The following GALNT14 variants were observed in gnomAD, a reference collection of about 807,000 sequenced individuals.
GALNT14 encodes polypeptide N-acetylgalactosaminyltransferase 14, also known as UDP-GalNAc:polypeptide N-acetylgalactosaminyltransferase 14.
In GALNT14, 60 loss-of-function variants were observed where a neutral mutation model predicts 77.5. The observed-to-expected ratio is 0.77, with a 90% confidence interval of 0.63 to 0.96. The LOEUF is 0.96. Among genes scored for constraint, GALNT14 ranks in the 40% least tolerant of loss-of-function variants. The pLI is 0.00. For synonymous variants in GALNT14, 280 were observed against 281.7 expected (o/e 0.99, Z 0.06); for missense variants, 710 against 731.0 (o/e 0.97, Z 0.33).
chr2:31,088,060 T>C (rs554206925), intron 1 of GALNT14, among the ~76,000 whole-genome samples: 4 of 152,298 alleles, frequency 2.6e-5, no homozygotes, highest in African/African-American at 9.6e-5. Context: ...CCTCTAGAAC[T>C]GTGAGAAATA....
At chr2:30,929,035 C>T (rs1665558918) in intron 11 of GALNT14, among the ~76,000 whole-genome samples, 1 of 152,238 alleles carries the variant, frequency 6.6e-6, no homozygotes, top group South Asian at 2.1e-4. Context: ...AGAGCTTAGG[C>T]TTGGATGACC....
At chr2:30,924,591 G>A (rs1231445333) in intron 12 of GALNT14, 149 bp downstream of exon 12, 3 of 643,572 alleles carry the variant, frequency 4.7e-6, no homozygotes, top group South Asian at 1.9e-5. Flanking sequence ...CCGGGTTTTA[G>A]GGGTGAACGG....
intron 1 of GALNT14, among the ~76,000 whole-genome samples, chr2:31,136,689 A>C (rs61603879): frequency 0.027 from 4,080 of 152,300 alleles, 185 homozygotes; most frequent in African/African-American, 0.093. Context: ...AAAAAGGGGA[A>C]ACCGAGAGGC....
intron 8 of GALNT14, among the ~76,000 whole-genome samples, chr2:30,943,036 G>A (rs527573351): frequency 4.6e-5 from 7 of 152,284 alleles, no homozygotes; most frequent in African/African-American, 1.4e-4. Context: ...GGAAGACATG[G>A]CCATCTACCG....
At chr2:31,005,185 T>C (rs1251708721) in intron 1 of GALNT14, among the ~76,000 whole-genome samples, 1 of 152,196 alleles carries the variant, frequency 6.6e-6, no homozygotes, top group Non-Finnish European at 1.5e-5. Context: ...GCATTTGTGA[T>C]TTTTCTCCTT....
chr2:30,999,252 T>C (rs553333876), intron 1 of GALNT14, among the ~76,000 whole-genome samples: 2 of 152,104 alleles, frequency 1.3e-5, no homozygotes, highest in Admixed American at 1.3e-4. Flanking sequence ...AGGTCCCAAA[T>C]AGCCCACTCC....
At chr2:31,092,493 C>T (rs539726053) in intron 1 of GALNT14, among the ~76,000 whole-genome samples, 5 of 152,034 alleles carry the variant, frequency 3.3e-5, no homozygotes, top group Non-Finnish European at 7.4e-5. Context: ...ATAGACAAAA[C>T]AGATCATATT....
At chr2:31,080,669 T>C (rs555571859) in intron 1 of GALNT14, among the ~76,000 whole-genome samples, 9 of 152,338 alleles carry the variant, frequency 5.9e-5, no homozygotes, top group Admixed American at 5.9e-4. Context: ...TGGTTTCTCA[T>C]CCCAGGCTTT....
At chr2:30,929,927 G>T (rs1448863623) in intron 10 of GALNT14, among the ~76,000 whole-genome samples, 1 of 152,192 alleles carries the variant, frequency 6.6e-6, no homozygotes, top group Non-Finnish European at 1.5e-5. Flanking sequence ...TAAACTGTGG[G>T]TTGTCTACCT....
At chr2:31,087,828 A>G (rs1676524990) in intron 1 of GALNT14, among the ~76,000 whole-genome samples, 1 of 152,134 alleles carries the variant, frequency 6.6e-6, no homozygotes, top group Non-Finnish European at 1.5e-5. Flanking sequence ...CTAAACCCCA[A>G]TGTGATGGCA....
chr2:31,111,379 A>G (rs1005897622), intron 1 of GALNT14, among the ~76,000 whole-genome samples: 3 of 152,244 alleles, frequency 2.0e-5, no homozygotes, highest in African/African-American at 7.2e-5. Context: ...AGCACTGGAC[A>G]CACAGCAGAT....
At chr2:30,999,967 G>T (rs969174045) in intron 1 of GALNT14, among the ~76,000 whole-genome samples, 3 of 152,168 alleles carry the variant, frequency 2.0e-5, no homozygotes, top group Non-Finnish European at 4.4e-5. Context: ...TATTCTCACC[G>T]GTTGGAGCCA....
intron 1 of GALNT14, among the ~76,000 whole-genome samples, chr2:31,103,386 G>A (rs1397896418): frequency 6.6e-6 from 1 of 152,052 alleles, no homozygotes; most frequent in African/African-American, 2.4e-5. Flanking sequence ...GCATAGAAAA[G>A]GCATGATTGG....
chr2:31,086,368 C>T (rs949725119), intron 1 of GALNT14, among the ~76,000 whole-genome samples: 2 of 152,214 alleles, frequency 1.3e-5, no homozygotes, highest in Admixed American at 6.5e-5. Context: ...AGCCATGCTC[C>T]TCATCACCAG....
rs72855246 is a variant in GALNT14, at chr2:30,985,560, C to T, written c.299+7278G>A. ...GGCAAGATGGTACTGCAAACTGCCC[C>T]GGGCTGTGGACACAGTTCTGCTACA... On this transcript the variant is annotated intron_variant, in intron 2 of 14. Transcript: ENST00000349752. Among the ~76,000 whole-genome samples, 436 of 152,288 alleles carry T rather than the reference C, an allele frequency of 2.9e-3. 1 individual carries two copies. The highest frequency in any genetic ancestry group is 9.9e-3 in the African/African-American group (411 of 41,566).
At chr2:30,892,353 A>C in the GALNT14 span, among the ~76,000 whole-genome samples, 1 of 152,226 alleles carries the variant, frequency 6.6e-6, no homozygotes, top group Admixed American at 6.5e-5. Flanking sequence ...GAAATTTGGA[A>C]AGATCAGAAA....
At chr2:31,007,420 A>G (rs1220279428) in intron 1 of GALNT14, among the ~76,000 whole-genome samples, 1 of 152,214 alleles carries the variant, frequency 6.6e-6, no homozygotes, top group African/African-American at 2.4e-5. Context: ...AAGCATAAGT[A>G]ATTGCTCCCC....
At chr2:31,124,433 C>T (rs943088917) in intron 1 of GALNT14, among the ~76,000 whole-genome samples, 48 of 152,176 alleles carry the variant, frequency 3.2e-4, no homozygotes, top group African/African-American at 1.1e-3. Context: ...ATTTACCAGG[C>T]GTTGTTCTGT....
At chr2:30,927,115 A>G (rs1055922629) in intron 11 of GALNT14, among the ~76,000 whole-genome samples, 3 of 152,156 alleles carry the variant, frequency 2.0e-5, no homozygotes, top group African/African-American at 7.2e-5. Context: ...CGGAGGGCAA[A>G]GCCCCCTAAG....
Sources: gnomAD v4.1 joint callset for allele counts (sites outside exome capture counted in the v4.1 genomes callset) on GRCh38, gnomAD v4.1.1 for gene constraint, MANE v1.5 for transcripts, NCBI Gene and HGNC (gene_info 2026-07-23, HGNC 2026-07-21) for gene names.